The following SYN3 variants were observed in gnomAD, a reference collection of about 807,000 sequenced individuals.
SYN3 encodes synapsin III.
A neutral mutation model predicts 65.8 loss-of-function variants in SYN3; 35 were observed. The ratio of observed to expected loss-of-function variants is 0.53; its 90% CI spans 0.41 to 0.70. SYN3 has a LOEUF of 0.70. Ranked by LOEUF, SYN3 falls within the 30% of genes least tolerant of loss-of-function variation. The pLI, the probability that SYN3 is intolerant of heterozygous loss-of-function variation, is 0.00. For synonymous variants in SYN3, 270 were observed against 292.9 expected (o/e 0.92, Z 0.80); for missense variants, 680 against 749.0 (o/e 0.91, Z 1.08).
At chr22:32,735,676 G>T (rs1182748651) in intron 6 of SYN3, among the ~76,000 whole-genome samples, 1 of 152,160 alleles carries the variant, frequency 6.6e-6, no homozygotes, top group Admixed American at 6.5e-5. Context: ...TGACTGCCCT[G>T]AGGCCTCCCA....
intron 7 of SYN3, among the ~76,000 whole-genome samples, chr22:32,548,262 C>T (rs1357972518): frequency 1.3e-5 from 2 of 152,204 alleles, no homozygotes; most frequent in Non-Finnish European, 2.9e-5. Context: ...ACCATGTTGG[C>T]CAGGACGGTC....
intron 6 of SYN3, among the ~76,000 whole-genome samples, chr22:32,691,177 G>C (rs2060656691): frequency 6.6e-6 from 1 of 152,016 alleles, no homozygotes; most frequent in Non-Finnish European, 1.5e-5. Context: ...GGCCTTGCTG[G>C]GCGCCCCGGT....
intron 6 of SYN3, among the ~76,000 whole-genome samples, chr22:32,675,801 G>C (rs1216629482): frequency 6.6e-6 from 1 of 152,202 alleles, no homozygotes; most frequent in African/African-American, 2.4e-5. Context: ...GAGCTAGCAA[G>C]TGGTGAGCGG....
intron 7 of SYN3, among the ~76,000 whole-genome samples, chr22:32,578,040 T>C (rs1338923196): frequency 6.6e-6 from 1 of 152,268 alleles, no homozygotes; most frequent in East Asian, 1.9e-4. Flanking sequence ...GTGTTTGATA[T>C]TGCATCTCCA....
At chr22:32,669,340 C>T (rs1227598814) in intron 6 of SYN3, among the ~76,000 whole-genome samples, 1 of 152,086 alleles carries the variant, frequency 6.6e-6, no homozygotes, top group Non-Finnish European at 1.5e-5. Flanking sequence ...GGATTAGAGC[C>T]AAAAATCTTT....
intron 9 of SYN3, among the ~76,000 whole-genome samples, chr22:32,534,483 G>A (rs762908): frequency 0.66 from 99,836 of 152,008 alleles, 33,179 homozygotes; most frequent in East Asian, 0.79. Context: ...TCGCCCAGGG[G>A]GCCTGGCCCT....
chr22:32,924,426 G>A (rs2050415271), intron 4 of SYN3, among the ~76,000 whole-genome samples: 1 of 152,168 alleles, frequency 6.6e-6, no homozygotes, highest in South Asian at 2.1e-4. Flanking sequence ...CCTGAACCCA[G>A]GCCTTTAGCT....
intron 7 of SYN3, among the ~76,000 whole-genome samples, chr22:32,550,452 T>C (rs904235563): frequency 6.6e-6 from 1 of 151,434 alleles, no homozygotes; most frequent in Admixed American, 6.6e-5. Flanking sequence ...CTAAGAAATA[T>C]AAAATTTTAT....
chr22:32,751,805 G>C (rs2045135483), intron 6 of SYN3, among the ~76,000 whole-genome samples: 2 of 152,182 alleles, frequency 1.3e-5, no homozygotes, highest in African/African-American at 4.8e-5. Context: ...CTTGTTTTAT[G>C]ATGGCCATAG....
At chr22:32,651,136 C>T (rs2060064591) in intron 6 of SYN3, among the ~76,000 whole-genome samples, 1 of 152,106 alleles carries the variant, frequency 6.6e-6, no homozygotes, top group East Asian at 1.9e-4. Context: ...CAGACAAGGG[C>T]TCTGTATTGT....
intron 6 of SYN3, among the ~76,000 whole-genome samples, chr22:32,620,507 A>T (rs2059579275): frequency 6.6e-6 from 1 of 152,040 alleles, no homozygotes; most frequent in Admixed American, 6.6e-5. Context: ...CAGCCTCAGT[A>T]TGGGGGAACA....
At chr22:32,606,063 G>A in intron 6 of SYN3, among the ~76,000 whole-genome samples, 1 of 152,246 alleles carries the variant, frequency 6.6e-6, no homozygotes, top group East Asian at 1.9e-4. Flanking sequence ...TGAACTTAGA[G>A]GATGCCCAGG....
At chr22:33,028,658 G>GTGGTGGTGGTGA (rs1569413373) in intron 1 of SYN3, among the ~76,000 whole-genome samples, 6 of 106,616 alleles carry the variant, frequency 5.6e-5, no homozygotes, top group African/African-American at 2.1e-4. Flanking sequence ...GGTGGTGGTG[G>GTGGTGGTGGTGA]TGGTGGTGGT....
chr22:32,565,540 C>T (rs1258294056), intron 7 of SYN3, among the ~76,000 whole-genome samples: 1 of 148,988 alleles, frequency 6.7e-6, no homozygotes, highest in Non-Finnish European at 1.5e-5. Flanking sequence ...ATATAGGAGA[C>T]CGAATCATGC....
At chr22:32,949,763 G>T (rs1168598242) in intron 3 of SYN3, among the ~76,000 whole-genome samples, 2 of 152,194 alleles carry the variant, frequency 1.3e-5, no homozygotes, top group African/African-American at 4.8e-5. Flanking sequence ...AATGGTGATT[G>T]TAATCATCAT....
chr22:32,846,496 T>C (rs2048066048), intron 6 of SYN3, among the ~76,000 whole-genome samples: 1 of 151,978 alleles, frequency 6.6e-6, no homozygotes, highest in Admixed American at 6.6e-5. Context: ...ACACATGAGG[T>C]TTGGGATGGA....
At chr22:32,867,871 G>A (rs764739137) in intron 5 of SYN3, among the ~76,000 whole-genome samples, 2 of 152,240 alleles carry the variant, frequency 1.3e-5, no homozygotes, top group East Asian at 1.9e-4. Context: ...GTGAGCCACC[G>A]TGTCTGGCGA....
intron 6 of SYN3, among the ~76,000 whole-genome samples, chr22:32,636,810 A>G (rs2059823550): frequency 6.6e-6 from 1 of 152,246 alleles, no homozygotes; most frequent in Non-Finnish European, 1.5e-5. Context: ...ATCCTGCAAT[A>G]GTCGCTCAAC....
At chr22:32,915,779 G>A (rs1003079161) in intron 4 of SYN3, among the ~76,000 whole-genome samples, 1 of 152,184 alleles carries the variant, frequency 6.6e-6, no homozygotes, top group Non-Finnish European at 1.5e-5. Flanking sequence ...TAACAGGGAT[G>A]GGAAGCCCTT....
Sources: allele counts gnomAD v4.1 joint callset (sites outside exome capture counted in the v4.1 genomes callset), GRCh38; gene constraint gnomAD v4.1.1; transcripts MANE v1.5; gene names NCBI Gene and HGNC (gene_info 2026-07-23, HGNC 2026-07-21).